The following SRP72 variants were observed in gnomAD, a reference collection of about 807,000 sequenced individuals.
The protein encoded by SRP72 is signal recognition particle subunit SRP72.
A neutral mutation model predicts 96.3 loss-of-function variants in SRP72; 49 were observed. That is an observed-to-expected ratio of 0.51 (90% CI 0.40 to 0.65). The LOEUF (loss-of-function observed/expected upper bound fraction) is 0.65. Among genes scored for constraint, SRP72 ranks in the 30% least tolerant of loss-of-function variants. The pLI, the probability that SRP72 is intolerant of heterozygous loss-of-function variation, is 0.00. For missense variants in SRP72, 736 were observed against 793.3 expected, an observed-to-expected ratio of 0.93 and a Z score of 0.87; for synonymous variants, 267 against 275.2, an observed-to-expected ratio of 0.97 and a Z score of 0.30.
chr4:56,496,881 T>C (rs10007967), intron 17 of SRP72, among the ~76,000 whole-genome samples: 61,339 of 151,768 alleles, frequency 0.4, 13,568 homozygotes, highest in East Asian at 0.66. Context: ...CCCAGCTACT[T>C]GGGAGGCTGA....
chr4:56,477,338 T>C, intron 6 of SRP72, among the ~76,000 whole-genome samples: 1 of 145,904 alleles, frequency 6.9e-6, no homozygotes, highest in East Asian at 2.0e-4. Context: ...AGGATCTTGC[T>C]GTTTCACCCA....
chr4:56,474,037 T>G lies in SRP72; in HGVS notation c.355-17T>G. ...CCATATTTGTCTCTGATTTTTTACT[T>G]GCTATTTATTATTCAGTTATACCGT... On this transcript the variant is annotated splice_polypyrimidine_tract_variant and intron_variant, in intron 3 of 18. Coordinates refer to ENST00000642900, the MANE Select transcript of SRP72 (RefSeq NM_006947.4). The G allele has an allele frequency of 1.3e-6, 2 of 1,599,226 alleles. No homozygotes were observed. Among genetic ancestry groups the G allele is most frequent in the Non-Finnish European group, 1.7e-6 (2 of 1,174,352 alleles).
At chr4:56,489,941 G>A (rs1720851291) in intron 13 of SRP72, among the ~76,000 whole-genome samples, 1 of 152,122 alleles carries the variant, frequency 6.6e-6, no homozygotes, top group Admixed American at 6.5e-5. Context: ...TTATACATAC[G>A]CTGTGCAGGT....
intron 5 of SRP72, among the ~76,000 whole-genome samples, chr4:56,474,933 C>T (rs1425818371): frequency 1.3e-5 from 2 of 152,210 alleles, no homozygotes; most frequent in South Asian, 4.1e-4. Flanking sequence ...GATCTGCCTG[C>T]CTTGGCCTCC....
In SRP72 at chr4:56,467,664, C is replaced by T. The variant is rs752240949; in HGVS notation, c.29C>T (p.Ser10Leu). Residue 10 changes from serine to leucine, a missense_variant, in exon 1 of 19, where the codon TCA becomes TTA. Transcript: ENST00000642900. ...GCGAGCGGCGGCAGCGGGGGGGTGT[C>T]AGTACCTGCGCTGTGGAGTGAAGTG... MASGGSGGV[S>L]VPALWSEVNR... 1.6e-5 allele frequency: 25 copies of T among 1,559,142 alleles called. No individual in the cohort carries two copies. The highest frequency in any genetic ancestry group is 5.1e-5 in the East Asian group (2 of 39,164).
At chr4:56,486,420 T>A in intron 11 of SRP72, 23 bp downstream of exon 11, 1 of 1,542,284 alleles carries the variant, frequency 6.5e-7, no homozygotes, top group Non-Finnish European at 8.8e-7. Context: ...TCATCATGAT[T>A]AAAATATTTT....
chr4:56,494,339 T>C (rs1721005601), intron 16 of SRP72, among the ~76,000 whole-genome samples: 1 of 152,130 alleles, frequency 6.6e-6, no homozygotes, highest in Non-Finnish European at 1.5e-5. Flanking sequence ...TCTCGAGTTA[T>C]ATCACATAAG....
chr4:56,482,743 T>C (rs1392665263), intron 8 of SRP72, among the ~76,000 whole-genome samples: 4 of 152,204 alleles, frequency 2.6e-5, no homozygotes, highest in African/African-American at 9.6e-5. Context: ...TACACTTCAA[T>C]TTGTGCTGTC....
intron 17 of SRP72, among the ~76,000 whole-genome samples, chr4:56,495,999 T>C (rs1721063851): frequency 6.6e-6 from 1 of 152,226 alleles, no homozygotes; most frequent in Non-Finnish European, 1.5e-5. Context: ...TCTCCAGACT[T>C]GGCAAGTATT....
chr4:56,495,934 G>A (rs762725187), intron 17 of SRP72, among the ~76,000 whole-genome samples: 13 of 152,138 alleles, frequency 8.5e-5, no homozygotes, highest in Non-Finnish European at 1.8e-4. Context: ...GATGTATATT[G>A]TAAACAGTCA....
chr4:56,498,456 A>G (rs184365006), intron 17 of SRP72, among the ~76,000 whole-genome samples: 371 of 152,310 alleles, frequency 2.4e-3, no homozygotes, highest in Non-Finnish European at 3.7e-3. Context: ...AATAAAGGAT[A>G]TTCAAACAAA....
chr4:56,474,078 G>C lies in SRP72; in HGVS notation c.379G>C (p.Glu127Gln). 6.2e-7 allele frequency: 1 copy of C among 1,613,916 alleles called. No individual in the cohort carries two copies. Among genetic ancestry groups the C allele is most frequent in the Non-Finnish European group, 8.5e-7 (1 of 1,179,960 alleles). Reference sequence around the variant, plus strand: ...GTTATACCGTTTGGAACGCTATGATGAATGCTTAGCAGTGTATAGAGATCT... The same window carrying C: ...GTTATACCGTTTGGAACGCTATGATCAATGCTTAGCAGTGTATAGAGATCT... ...QVLYRLERYD[E>Q]CLAVYRDLVR... The change falls in exon 4 of 19, where the codon GAA becomes CAA. Residue 127 changes from glutamate to glutamine, a missense_variant. Physicochemically the swap from Glu to Gln is conservative, Grantham distance 29 (BLOSUM62 2). Transcript: ENST00000642900.
intron 17 of SRP72, among the ~76,000 whole-genome samples, chr4:56,496,859 C>T (rs148593293): frequency 3.0e-4 from 45 of 151,984 alleles, no homozygotes; most frequent in Non-Finnish European, 5.6e-4. Flanking sequence ...AGTACTCATG[C>T]GTGCCTGTAA....
chr4:56,502,694 CTG>C lies in SRP72; in HGVS notation c.*835_*836del, dbSNP rs1433860685. The C allele has an allele frequency of 1.3e-5, 2 of 151,834 alleles. No individual in the cohort carries two copies. The highest frequency in any genetic ancestry group is 2.9e-5 in the Non-Finnish European group (2 of 67,976). 9.4% of individuals were successfully genotyped at this position (151,834 alleles called of 1,614,324 possible). On this transcript the variant is annotated 3_prime_UTR_variant, in exon 19 of 19. Coordinates refer to ENST00000642900, the MANE Select transcript of SRP72 (RefSeq NM_006947.4). ...CTGTCTCAATCAGAAAGATTAATGA[CTG>C]TTATCAAGAACATGAACATTGGCTT...
At chr4:56,487,899 T>TC (rs764061530) in intron 11 of SRP72, 50 bp from the exon 12 acceptor site, 178 of 1,408,550 alleles carry the variant, frequency 1.3e-4, no homozygotes, top group Middle Eastern at 5.4e-4. Context: ...TATTTTTTTT[T>TC]CATAATATGT....
At chr4:56,473,065 A>T (rs772945698) in intron 3 of SRP72, among the ~76,000 whole-genome samples, 12 of 152,146 alleles carry the variant, frequency 7.9e-5, no homozygotes, top group Non-Finnish European at 1.8e-4. Flanking sequence ...CTATTTTAGT[A>T]ATCATTTTGT....
At chr4:56,489,305 A>G in intron 12 of SRP72, 83 bp from the exon 13 acceptor site, 1 of 676,000 alleles carries the variant, frequency 1.5e-6, no homozygotes, top group Non-Finnish European at 2.4e-6. Flanking sequence ...TTTATTTGCT[A>G]TTTCTTCAGC....
intron 15 of SRP72, 61 bp from the exon 16 acceptor site, chr4:56,491,370 A>G: frequency 6.4e-7 from 1 of 1,556,582 alleles, no homozygotes. Context: ...GCAAACATAT[A>G]TATCTATATA....
chr4:56,478,031 A>G (rs563522345), intron 6 of SRP72, among the ~76,000 whole-genome samples: 1 of 152,208 alleles, frequency 6.6e-6, no homozygotes, highest in South Asian at 2.1e-4. Context: ...TTATAAAAAG[A>G]TATACTTCCA....
Sources: allele counts gnomAD v4.1 joint callset (sites outside exome capture counted in the v4.1 genomes callset), GRCh38; gene constraint gnomAD v4.1.1; transcripts MANE v1.5; gene names NCBI Gene and HGNC (gene_info 2026-07-23, HGNC 2026-07-21).